Variants in TMEM266 observed in about 807,000 individuals in gnomAD.
TMEM266 encodes Hv1 related protein 1.
TMEM266 carries 33 observed loss-of-function variants against 50.5 expected under a neutral mutation model. The ratio of observed to expected loss-of-function variants is 0.65; its 90% CI spans 0.50 to 0.87. The LOEUF (loss-of-function observed/expected upper bound fraction) is 0.87, where lower values mean the gene tolerates loss of function less well. Among genes scored for constraint, TMEM266 ranks in the 40% least tolerant of loss-of-function variants. The pLI is 0.00. For synonymous variants in TMEM266, 310 were observed against 292.3 expected (o/e 1.06, Z -0.62); for missense variants, 655 against 695.1 (o/e 0.94, Z 0.65).
rs2038004747 is a variant in TMEM266 at position 76,160,674 on chromosome 15, G to C, written c.456+506G>C. Among the ~76,000 whole-genome samples, 1 of 152,212 alleles carries C rather than the reference G, an allele frequency of 6.6e-6. No homozygotes were observed. The highest frequency in any genetic ancestry group is 1.5e-5 in the Non-Finnish European group (1 of 68,036). On this transcript the variant is annotated intron_variant, in intron 5 of 10. Transcript: ENST00000388942. The surrounding 1 kb of genome is among the most constrained non-coding windows in gnomAD (Gnocchi z 5.7). ...AGTGGACCTGACCTGGTCCTGCAGG[G>C]GCCCTGGGTCTGACAGGGCCGAAAG...
intron 1 of TMEM266, among the ~76,000 whole-genome samples, chr15:76,086,261 C>A (rs2959843): frequency 0.28 from 42,134 of 151,934 alleles, 6,142 homozygotes; most frequent in African/African-American, 0.34. Context: ...GCTGAAGAAT[C>A]CAGGCACAGA....
chr15:76,086,658 C>T (rs1483561441), intron 1 of TMEM266, among the ~76,000 whole-genome samples: 1 of 152,142 alleles, frequency 6.6e-6, no homozygotes, highest in Non-Finnish European at 1.5e-5. Flanking sequence ...TTGCTGTAAA[C>T]CCTATGTAAA....
intron 4 of TMEM266, among the ~76,000 whole-genome samples, chr15:76,157,427 C>T (rs1200721713): frequency 6.6e-6 from 1 of 152,168 alleles, no homozygotes; most frequent in African/African-American, 2.4e-5. Flanking sequence ...ACTGCTTGGC[C>T]AGTTCTCTTC....
chr15:76,153,212 GTC>G lies in TMEM266; in HGVS notation c.228-3390_228-3389del, dbSNP rs1053286741. 2.7e-4 allele frequency among the ~76,000 whole-genome samples: 41 copies of G among 152,254 alleles called. No individual in the cohort carries two copies. The highest frequency in any genetic ancestry group is 9.9e-4 in the African/African-American group (41 of 41,540). ...TTTCCTCCCTTGGAGGCAGGTCAAG[GTC>G]TGAGTCTCCTGTTGATAGGGAACTG... On this transcript the variant is annotated intron_variant, in intron 3 of 10. Coordinates refer to ENST00000388942, the MANE Select transcript of TMEM266 (RefSeq NM_152335.3). The surrounding 1 kb of genome is among the most constrained non-coding windows in gnomAD (Gnocchi z 4.2).
intron 1 of TMEM266, among the ~76,000 whole-genome samples, chr15:76,104,940 C>T (rs1056571122): frequency 1.3e-5 from 2 of 151,848 alleles, no homozygotes; most frequent in African/African-American, 4.8e-5. Flanking sequence ...AAAGTTTCGG[C>T]CAGGCACGGT....
At chr15:76,195,666 C>T (rs983430498) in intron 9 of TMEM266, among the ~76,000 whole-genome samples, 5 of 152,344 alleles carry the variant, frequency 3.3e-5, no homozygotes, top group African/African-American at 1.2e-4. Context: ...GGGCCTGCCC[C>T]GTGTTGTTCT....
At chr15:76,064,596 T>G (rs1421867558) in intron 1 of TMEM266, among the ~76,000 whole-genome samples, 1 of 152,198 alleles carries the variant, frequency 6.6e-6, no homozygotes, top group African/African-American at 2.4e-5. Flanking sequence ...TGGCTTTAAT[T>G]GCTGCCCTAG....
intron 8 of TMEM266, among the ~76,000 whole-genome samples, chr15:76,181,868 G>A (rs944780690): frequency 6.6e-6 from 1 of 152,238 alleles, no homozygotes; most frequent in East Asian, 1.9e-4. Flanking sequence ...TGAAGTCTCC[G>A]TTACACCCGC....
chr15:76,159,021 TG>T (rs113301225), intron 4 of TMEM266, among the ~76,000 whole-genome samples: 28,352 of 152,082 alleles, frequency 0.19, 3,305 homozygotes, highest in African/African-American at 0.32. Context: ...CCCTTGGCCC[TG>T]GGGGGGGTTC....
chr15:76,202,284 GTTC>G lies in TMEM266; in HGVS notation c.1021+22_1021+24del. ...GCAGTGGTAAGTCTGGGTTGGGGCT[GTTC>G]TACATGTGCCACAACCCCAGCAATC... On this transcript the variant is annotated intron_variant, in intron 10 of 10. Transcript: ENST00000388942. 6.2e-7 allele frequency: 1 copy of G among 1,601,842 alleles called. No homozygotes were observed. The highest frequency in any genetic ancestry group is 1.7e-4 in the Middle Eastern group (1 of 6,008).
chr15:76,090,973 C>G (rs1000149913), intron 1 of TMEM266, among the ~76,000 whole-genome samples: 5 of 152,004 alleles, frequency 3.3e-5, no homozygotes, highest in African/African-American at 1.2e-4. Flanking sequence ...TGCTAATTAC[C>G]CTGGTTTAAT....
chr15:76,197,078 C>A (rs1013785015), intron 9 of TMEM266, among the ~76,000 whole-genome samples: 7 of 152,306 alleles, frequency 4.6e-5, no homozygotes, highest in African/African-American at 1.4e-4. Context: ...GGGGTGCATG[C>A]GGCCAGCCTG....
At chr15:76,144,790 CA>C (rs1454591468) in intron 3 of TMEM266, among the ~76,000 whole-genome samples, 7 of 152,200 alleles carry the variant, frequency 4.6e-5, no homozygotes, top group Non-Finnish European at 1.0e-4. Context: ...CAGACGTGAA[CA>C]GACACTCAGG....
intron 1 of TMEM266, among the ~76,000 whole-genome samples, chr15:76,094,441 C>T (rs1052394649): frequency 3.3e-5 from 5 of 151,968 alleles, no homozygotes; most frequent in Non-Finnish European, 7.4e-5. Flanking sequence ...TGTGGTGTTA[C>T]TTCTGAGGTT....
chr15:76,078,333 C>T (rs1451843928), intron 1 of TMEM266, among the ~76,000 whole-genome samples: 2 of 152,008 alleles, frequency 1.3e-5, no homozygotes, highest in Admixed American at 6.5e-5. Flanking sequence ...TGAGCATTTT[C>T]AATACTGGAA....
In TMEM266 at chr15:76,187,867, G is replaced by T. The variant is rs1182147625; in HGVS notation, c.769-4101G>T. Among the ~76,000 whole-genome samples, 6 of 152,168 alleles carry T rather than the reference G, an allele frequency of 3.9e-5. No individual in the cohort carries two copies. The East Asian group carries it at 1.2e-3, about 29-fold the overall frequency. ...GCTAACTGGTTTCCTGCATTGATTT[G>T]TTCATGTATTCAGCAACGTTTATTG... On this transcript the variant is annotated intron_variant, in intron 8 of 10. Transcript: ENST00000388942.
chr15:76,097,720 C>T (rs1463391977), intron 1 of TMEM266, among the ~76,000 whole-genome samples: 3 of 152,020 alleles, frequency 2.0e-5, no homozygotes. Flanking sequence ...ACCATTCTCC[C>T]TGTCACTTTC....
chr15:76,197,920 A>G (rs375861739), intron 9 of TMEM266, among the ~76,000 whole-genome samples: 2 of 152,258 alleles, frequency 1.3e-5, no homozygotes, highest in South Asian at 2.1e-4. Flanking sequence ...TAAAACCCAC[A>G]TAATGAGCAT....
At chr15:76,182,197 G>T (rs2038422311) in intron 8 of TMEM266, among the ~76,000 whole-genome samples, 1 of 152,092 alleles carries the variant, frequency 6.6e-6, no homozygotes, top group Admixed American at 6.5e-5. Context: ...TCAAACCTCA[G>T]CCCCACCAGT....
Sources: allele counts gnomAD v4.1 joint callset (sites outside exome capture counted in the v4.1 genomes callset), GRCh38; gene constraint gnomAD v4.1.1; non-coding constraint Gnocchi (gnomAD v3.1); transcripts MANE v1.5; gene names NCBI Gene and HGNC (gene_info 2026-07-23, HGNC 2026-07-21).